The following PIP5KL1 variants were observed in gnomAD, a reference collection of about 807,000 sequenced individuals.
The protein encoded by PIP5KL1 is phosphatidylinositol-4-phosphate 5-kinase like 1.
PIP5KL1 carries 45 observed loss-of-function variants against 47.6 expected under a neutral mutation model. The observed-to-expected ratio is 0.94, with a 90% CI of 0.74 to 1.21. The LOEUF (loss-of-function observed/expected upper bound fraction) is 1.21, where lower values mean the gene tolerates loss of function less well. Ranked by LOEUF, PIP5KL1 falls within the 50% of genes most tolerant of loss-of-function variation. The probability of loss-of-function intolerance (pLI) is 0.00; values close to 1 mark genes in which losing one functional copy is unlikely to be tolerated. For missense variants in PIP5KL1, 577 were observed against 547.6 expected, an observed-to-expected ratio of 1.05 and a Z score of -0.54; for synonymous variants, 256 against 234.6, an observed-to-expected ratio of 1.09 and a Z score of -0.84.
In PIP5KL1 at chr9:127,922,133, G is replaced by C; in HGVS notation, c.918-19C>G. 6.8e-7 allele frequency: 1 copy of C among 1,467,136 alleles called. No individual in the cohort carries two copies. Among genetic ancestry groups the C allele is most frequent in the Non-Finnish European group, 9.0e-7 (1 of 1,108,178 alleles). The allele number at this position is 1,467,136 out of a possible 1,614,324, so 90.9% of individuals were successfully genotyped here. ...CACAGACCTGGGGGCCGACAGGAGGGTGAAGCTGCCAGCTCCTCCAGGAAG... is the reference window on the plus strand; with the variant it reads ...CACAGACCTGGGGGCCGACAGGAGGCTGAAGCTGCCAGCTCCTCCAGGAAG... On this transcript the variant is annotated intron_variant, in intron 9 of 9. Coordinates refer to ENST00000388747, the MANE Select transcript of PIP5KL1 (RefSeq NM_001135219.2).
intron 9 of PIP5KL1, among the ~76,000 whole-genome samples, chr9:127,923,678 G>A (rs2131635385): frequency 6.6e-6 from 1 of 152,350 alleles, no homozygotes; most frequent in South Asian, 2.1e-4. Context: ...CTTCCTCTGA[G>A]GGGTAGGAAC....
In PIP5KL1 at chr9:127,927,764, T is replaced by A. The variant is rs773502995; in HGVS notation, c.443A>T (p.Gln148Leu). The change falls in exon 5 of 10, where the codon CAG becomes CTG. Residue 148 changes from glutamine to leucine, a missense_variant. Gln to Leu is a moderately radical substitution (Grantham distance 113). Transcript: ENST00000388747. The surrounding 1 kb of genome is among the most constrained non-coding windows in gnomAD (Gnocchi z 5.5). ...SKASFFLSHD[Q>L]RFFLKTQGRR... The stretch of plus-strand genomic sequence containing the variant: ...CCCCTGGGTCTTCAGGAAGAAGCGC[T>A]GGTCGTGGCTGGGGGGCAAGAGAAA... 3 of 1,561,586 alleles carry A rather than the reference T, an allele frequency of 1.9e-6. No homozygotes were observed. The highest frequency in any genetic ancestry group is 2.6e-6 in the Non-Finnish European group (3 of 1,154,084).
chr9:127,930,525 G>A (rs192767173), intron 1 of PIP5KL1, among the ~76,000 whole-genome samples, 198 bp downstream of exon 1: 1 of 152,374 alleles, frequency 6.6e-6, no homozygotes, highest in East Asian at 1.9e-4. Context: ...TGAGAAAGCT[G>A]AGGAAGTGTT....
At chr9:127,930,463 C>T (rs1831419985) in intron 1 of PIP5KL1, among the ~76,000 whole-genome samples, 1 of 152,238 alleles carries the variant, frequency 6.6e-6, no homozygotes. Flanking sequence ...AGAGCTTGAC[C>T]TCCTAACAGC....
chr9:127,925,260 C>A lies in PIP5KL1; in HGVS notation c.764G>T (p.Gly255Val). The change falls in exon 9 of 10, where the codon GGG becomes GTG. Residue 255 changes from glycine (G) to valine (V), a missense_variant and splice_region_variant. Physicochemically the swap from Gly to Val is moderately radical, Grantham distance 109. Coordinates refer to ENST00000388747, the MANE Select transcript of PIP5KL1 (RefSeq NM_001135219.2). ...LNFQGKTINL[G>V]PQRSWFLRQM... ...GCGGAGGAACCAGCTCCGCTGGGGC[C>A]CTGCCGGAGCATCAGTGCCCCCACC... is the stretch of plus-strand genomic sequence containing the variant. 1 of 1,611,718 alleles carries A rather than the reference C, an allele frequency of 6.2e-7. No homozygotes were observed. The highest frequency in any genetic ancestry group is 8.5e-7 in the Non-Finnish European group (1 of 1,179,950).
chr9:127,928,316 C>T (rs1476880275), intron 3 of PIP5KL1, 97 bp from the exon 4 acceptor site: 14 of 1,538,796 alleles, frequency 9.1e-6, no homozygotes, highest in Non-Finnish European at 1.1e-5. Context: ...CACACCCTTC[C>T]TGCAAGGCTC....
chr9:127,930,676 G>T (rs766337193), intron 1 of PIP5KL1, 47 bp downstream of exon 1: 34 of 1,508,722 alleles, frequency 2.3e-5, no homozygotes, highest in Non-Finnish European at 2.8e-5. Flanking sequence ...CCCGGCCCCT[G>T]CCCACCAACC....
At chr9:127,930,668 CG>C in intron 1 of PIP5KL1, 54 bp downstream of exon 1, 1 of 1,485,842 alleles carries the variant, frequency 6.7e-7, no homozygotes, top group Non-Finnish European at 9.0e-7. Context: ...AGGGGAGGCC[CG>C]GCCCCTGCCC....
chr9:127,925,310 C>T (rs780282885), intron 8 of PIP5KL1, 50 bp from the exon 9 acceptor site: 94 of 1,593,374 alleles, frequency 5.9e-5, no homozygotes, highest in Non-Finnish European at 7.7e-5. Flanking sequence ...GTGCCAGCCA[C>T]GGTGCTCCAC....
In PIP5KL1 at chr9:127,921,702, A is replaced by T. The variant is rs771919819; in HGVS notation, c.*145T>A. On this transcript the variant is annotated 3_prime_UTR_variant, in exon 10 of 10. Coordinates refer to ENST00000388747, the MANE Select transcript of PIP5KL1 (RefSeq NM_001135219.2). ...GGGCACGGCACCACCGTCAAACGGG[A>T]CTGCGCGGTTACGGTATTAGTTAGG... 3.5e-6 allele frequency: 4 copies of T among 1,151,822 alleles called. No homozygotes were observed. In the Admixed American group the frequency reaches 1.1e-4, roughly 33 times the overall value. The allele number at this position is 1,151,822 out of a possible 1,614,324, so 71.4% of individuals were successfully genotyped here. A position where few individuals can be genotyped will look rare whatever the true frequency, so the allele number is the denominator to read the frequency against.
chr9:127,927,043 GC>G lies in PIP5KL1; in HGVS notation c.650+109del. On this transcript the variant is annotated intron_variant, in intron 7 of 9. Transcript: ENST00000388747. This position sits in a 1 kb window ranked among gnomAD's most constrained non-coding sequence, Gnocchi z 5.5. ...CTCTGACCCACCAGATCTTGGGAAC[GC>G]CCCTTCTCCTTCCTGGGCCTCGGTT... 1 of 1,269,300 alleles carries G rather than the reference GC, an allele frequency of 7.9e-7. No homozygotes were observed. The highest frequency in any genetic ancestry group is 1.1e-6 in the Non-Finnish European group (1 of 927,916). 78.6% of individuals were successfully genotyped at this position (1,269,300 alleles called of 1,614,324 possible).
At chr9:127,924,648 T>G (rs1030555153) in intron 9 of PIP5KL1, among the ~76,000 whole-genome samples, 5 of 129,700 alleles carry the variant, frequency 3.9e-5, no homozygotes, top group African/African-American at 1.5e-4. Context: ...AGGGCGAAAC[T>G]CCATCTCAAA....
Position 127,927,861 on chromosome 9 carries a change from C to T in PIP5KL1, c.435-89G>A. 1.3e-6 allele frequency: 2 copies of T among 1,503,950 alleles called. No homozygotes were observed. Among genetic ancestry groups the T allele is most frequent in the Admixed American group, 5.1e-5 (2 of 39,374 alleles). 93.2% of individuals were successfully genotyped at this position (1,503,950 alleles called of 1,614,324 possible). On this transcript the variant is annotated intron_variant, in intron 4 of 9. Transcript: ENST00000388747. This position sits in a 1 kb window ranked among gnomAD's most constrained non-coding sequence, Gnocchi z 5.5. The stretch of plus-strand genomic sequence containing the variant: ...TTCCCCGACCTGTGCACGTGGATCT[C>T]GCTCCCAGGTCTCGGCACCGCCTCT...
chr9:127,922,704 A>AAAG (rs1421751294), intron 9 of PIP5KL1, among the ~76,000 whole-genome samples: 2 of 150,780 alleles, frequency 1.3e-5, no homozygotes, highest in Non-Finnish European at 3.0e-5. Flanking sequence ...CAAAAAAAAA[A>AAAG]AAAAAAAGAA....
At chr9:127,925,666 A>T (rs1186030637) in intron 8 of PIP5KL1, 3 of 572,516 alleles carry the variant, frequency 5.2e-6, no homozygotes, top group Non-Finnish European at 9.4e-6. Context: ...GAGTTTCAGC[A>T]TCTTGGCCAG....
At position 127,925,181 on chromosome 9, in the gene PIP5KL1, G is replaced by C; in HGVS notation, c.843C>G (p.Ser281Arg). The change falls in exon 9 of 10, where the codon AGC (serine) becomes AGG (arginine). Residue 281 changes from serine to arginine, a missense_variant. Physicochemically the swap from Ser to Arg is moderately radical, Grantham distance 110. Transcript: ENST00000388747. ...FLRELNVLDY[S>R]LLIAFQRLHE... is the part of the protein sequence containing the mutation. ...GGAGACGTTGGAAGGCTATCAGGAG[G>C]CTGTAATCCAGCACGTTGAGCTCCC... The C allele has an allele frequency of 1.2e-6, 2 of 1,614,158 alleles. No individual in the cohort carries two copies. Among genetic ancestry groups the C allele is most frequent in the Non-Finnish European group, 1.7e-6 (2 of 1,180,038 alleles).
chr9:127,928,045 C>A lies in PIP5KL1; in HGVS notation c.434+20G>T. 2 of 1,530,130 alleles carry A rather than the reference C, an allele frequency of 1.3e-6. No individual in the cohort carries two copies. The highest frequency in any genetic ancestry group is 2.2e-5 in the Admixed American group (1 of 45,876). 94.8% of individuals were successfully genotyped at this position (1,530,130 alleles called of 1,614,324 possible). On this transcript the variant is annotated intron_variant, in intron 4 of 9. Transcript: ENST00000388747. ...AGGGGTACCACTCCCACCCCTGCCC[C>A]ACCCCTGCCGCAAGCTCACGACAGG...
At chr9:127,924,270 A>G (rs10156580) in intron 9 of PIP5KL1, among the ~76,000 whole-genome samples, 117,813 of 151,746 alleles carry the variant, frequency 0.78, 46,943 homozygotes, top group Non-Finnish European at 0.87. Context: ...CGGGTGGATC[A>G]CTTGAGGTCA....
At chr9:127,925,398 G>T (rs1236252263) in intron 8 of PIP5KL1, 138 bp from the exon 9 acceptor site, 1 of 1,008,978 alleles carries the variant, frequency 9.9e-7, no homozygotes, top group Non-Finnish European at 1.4e-6. Flanking sequence ...ATTTGCCTTG[G>T]TCACTTAGCT....
Sources: allele counts gnomAD v4.1 joint callset (sites outside exome capture counted in the v4.1 genomes callset), GRCh38; gene constraint gnomAD v4.1.1; non-coding constraint Gnocchi (gnomAD v3.1); transcripts MANE v1.5; gene names NCBI Gene and HGNC (gene_info 2026-07-23, HGNC 2026-07-21).